The following TMEM30B variants were observed in gnomAD, a reference collection of about 807,000 sequenced individuals.
TMEM30B encodes the protein cell division cycle 50 P4-ATPase accessory subunit B, also known as cell cycle control protein 50B.
Under a neutral mutation model 27.9 loss-of-function variants are expected in TMEM30B, and 25 were observed. The ratio of observed to expected loss-of-function variants is 0.89; its 90% CI spans 0.65 to 1.25. TMEM30B has a LOEUF of 1.25. Ranked by LOEUF, TMEM30B falls within the 50% of genes most tolerant of loss-of-function variation. The probability of loss-of-function intolerance (pLI) is 0.00; values close to 1 mark genes in which losing one functional copy is unlikely to be tolerated. For missense variants in TMEM30B, 536 were observed against 506.5 expected, an observed-to-expected ratio of 1.06 and a Z score of -0.56; for synonymous variants, 248 against 238.5, an observed-to-expected ratio of 1.04 and a Z score of -0.37.
Position 61,280,373 on chromosome 14 carries a change from G to A in TMEM30B, c.775C>T (p.Leu259=), listed in dbSNP as rs764835659. The change falls in exon 1 of 1, where the codon CTG becomes TTG. Residue 259 remains leucine (L), a synonymous_variant. Transcript: ENST00000555868. The surrounding 1 kb of genome is among the most constrained non-coding windows in gnomAD (Gnocchi z 5.0). Reference sequence around the variant, plus strand: ...GCGTACAGTTTGCGGAACGTGGGCAGCGCCGCCGTGCGCATCCACACCACG... The same window carrying A: ...GCGTACAGTTTGCGGAACGTGGGCAACGCCGCCGTGCGCATCCACACCACG... ...DFVVWMRTAA[L]PTFRKLYARI... is the part of the protein sequence containing the mutation. 2 of 1,614,012 alleles carry A rather than the reference G, an allele frequency of 1.2e-6. No homozygotes were observed. The highest frequency in any genetic ancestry group is 1.7e-5 in the Admixed American group (1 of 60,036).
In TMEM30B at chr14:61,277,681, A is replaced by C. The variant is rs1329010201; in HGVS notation, c.*2411T>G. ...GTAAAATGCAGAAGACTACTACAAA[A>C]ATTTTTAAATTGACATTTATTAAAT... On this transcript the variant is annotated 3_prime_UTR_variant, in exon 1 of 1. Coordinates refer to ENST00000555868, the MANE Select transcript of TMEM30B (RefSeq NM_001017970.3). 6.6e-6 allele frequency: 1 copy of C among 152,000 alleles called. No homozygotes were observed. Among genetic ancestry groups the C allele is most frequent in the Admixed American group, 6.5e-5 (1 of 15,268 alleles). The allele number at this position is 152,000 out of a possible 1,614,324, so 9.4% of individuals were successfully genotyped here.
In TMEM30B at chr14:61,279,978, A is replaced by G. The variant is rs375847396; in HGVS notation, c.*114T>C. On this transcript the variant is annotated 3_prime_UTR_variant, in exon 1 of 1. Transcript: ENST00000555868. The stretch of plus-strand genomic sequence containing the variant: ...TCCCTTATCTGGTCCCCTCATTCAC[A>G]AAGGGAGGAAAAGCTAGGCGAGGTT... 1.1e-4 allele frequency: 101 copies of G among 918,478 alleles called. No homozygotes were observed. In the East Asian group the frequency reaches 2.1e-3, roughly 20 times the overall value. 56.9% of individuals were successfully genotyped at this position (918,478 alleles called of 1,614,324 possible). A position where few individuals can be genotyped will look rare whatever the true frequency, so the allele number is the denominator to read the frequency against.
rs73310576 is a variant in TMEM30B at position 61,278,011 on chromosome 14, T to C, written c.*2081A>G. 264 of 152,298 alleles carry C rather than the reference T, an allele frequency of 1.7e-3. No homozygotes were observed. The highest frequency in any genetic ancestry group is 6.1e-3 in the African/African-American group (255 of 41,552). 9.4% of individuals were successfully genotyped at this position (152,298 alleles called of 1,614,324 possible). ...AGACAAACATAACCTTTATTCTCTC[T>C]CAAAAACCCAGAGAACAGGGCCTGG... On this transcript the variant is annotated 3_prime_UTR_variant, in exon 1 of 1. Transcript: ENST00000555868.
Position 61,280,796 on chromosome 14 carries a change from A to T in TMEM30B, c.352T>A (p.Tyr118Asn). Residue 118 changes from tyrosine (Y) to asparagine (N), a missense_variant, in exon 1 of 1, where the codon TAC (tyrosine) becomes AAC (asparagine). Coordinates refer to ENST00000555868, the MANE Select transcript of TMEM30B (RefSeq NM_001017970.3). The surrounding 1 kb of genome is among the most constrained non-coding windows in gnomAD (Gnocchi z 5.0). ...VYLYYELTNF[Y>N]QNNRRYGVSR... ...ACGCCGTAGCGCCGGTTGTTCTGGTAGAAGTTGGTCAGCTCGTAGTAGAGG... is the reference window on the plus strand; with the variant it reads ...ACGCCGTAGCGCCGGTTGTTCTGGTTGAAGTTGGTCAGCTCGTAGTAGAGG... 6.4e-7 allele frequency: 1 copy of T among 1,559,846 alleles called. No individual in the cohort carries two copies. Among genetic ancestry groups the T allele is most frequent in the South Asian group, 1.2e-5 (1 of 83,482 alleles).
In TMEM30B at chr14:61,280,020, C is replaced by T. The variant is rs1163339077; in HGVS notation, c.*72G>A. ...GGCGAGGTTGGAATTGGGTGACGGG[C>T]GAGGAGGAGATGCCAAAAGCACCTT... is the stretch of plus-strand genomic sequence containing the variant. On this transcript the variant is annotated 3_prime_UTR_variant, in exon 1 of 1. Coordinates refer to ENST00000555868, the MANE Select transcript of TMEM30B (RefSeq NM_001017970.3). The surrounding 1 kb of genome is among the most constrained non-coding windows in gnomAD (Gnocchi z 5.0). 5 of 1,337,798 alleles carry T rather than the reference C, an allele frequency of 3.7e-6. No individual in the cohort carries two copies. The highest frequency in any genetic ancestry group is 3.0e-5 in the African/African-American group (2 of 67,724). 82.9% of individuals were successfully genotyped at this position (1,337,798 alleles called of 1,614,324 possible).
chr14:61,280,965 C>T lies in TMEM30B; in HGVS notation c.183G>A (p.Lys61=), dbSNP rs1340428594. 1 of 1,543,438 alleles carries T rather than the reference C, an allele frequency of 6.5e-7. No individual in the cohort carries two copies. Among genetic ancestry groups the T allele is most frequent in the Non-Finnish European group, 8.7e-7 (1 of 1,147,548 alleles). ...LGLYYSSNGI[K]ELEYDYTGDP... ...CGCCTGTATAGTCGTACTCCAGCTC[C>T]TTGATGCCGTTGGAGGAGTAGTAGA... Residue 61 remains lysine (K), a synonymous_variant, in exon 1 of 1, where the codon AAG becomes AAA. Coordinates refer to ENST00000555868, the MANE Select transcript of TMEM30B (RefSeq NM_001017970.3). This position sits in a 1 kb window ranked among gnomAD's most constrained non-coding sequence, Gnocchi z 5.0.
At position 61,278,713 on chromosome 14, in the gene TMEM30B, AAAAT is replaced by A. The variant is rs1482189757; in HGVS notation, c.*1375_*1378del. The A allele has an allele frequency of 6.6e-6, 1 of 152,194 alleles. No homozygotes were observed. The highest frequency in any genetic ancestry group is 1.5e-5 in the Non-Finnish European group (1 of 68,040). 9.4% of individuals were successfully genotyped at this position (152,194 alleles called of 1,614,324 possible). A position where few individuals can be genotyped will look rare whatever the true frequency, so the allele number is the denominator to read the frequency against. ...GTTATTTTGCTATACAAGGTTTTTA[AAAAT>A]AAACTATTGCTTCTTAGAATAACTT... On this transcript the variant is annotated 3_prime_UTR_variant, in exon 1 of 1. Coordinates refer to ENST00000555868, the MANE Select transcript of TMEM30B (RefSeq NM_001017970.3).
rs2045239329 is a variant in TMEM30B at position 61,279,825 on chromosome 14, G to T, written c.*267C>A. ...GATCCCTTCCACTCTCAGACTTGAA[G>T]AACCTCACATGGCAACTCAGTGTCG... On this transcript the variant is annotated 3_prime_UTR_variant, in exon 1 of 1. Transcript: ENST00000555868. The T allele has an allele frequency of 4.3e-6, 2 of 467,578 alleles. No individual in the cohort carries two copies. The highest frequency in any genetic ancestry group is 3.9e-5 in the African/African-American group (2 of 50,984). 29.0% of individuals were successfully genotyped at this position (467,578 alleles called of 1,614,324 possible).
In TMEM30B at chr14:61,280,374, C is replaced by T; in HGVS notation, c.774G>A (p.Ala258=). 6.2e-7 allele frequency: 1 copy of T among 1,613,972 alleles called. No homozygotes were observed. Among genetic ancestry groups the T allele is most frequent in the South Asian group, 1.1e-5 (1 of 91,086 alleles). The part of the protein sequence containing the change: ...QDFVVWMRTA[A]LPTFRKLYAR... Reference sequence around the variant, plus strand: ...CGTACAGTTTGCGGAACGTGGGCAGCGCCGCCGTGCGCATCCACACCACGA... The same window carrying T: ...CGTACAGTTTGCGGAACGTGGGCAGTGCCGCCGTGCGCATCCACACCACGA... The change falls in exon 1 of 1, where the codon GCG becomes GCA. Residue 258 remains alanine (A), a synonymous_variant. Transcript: ENST00000555868. This position sits in a 1 kb window ranked among gnomAD's most constrained non-coding sequence, Gnocchi z 5.0.
chr14:61,281,191 C>A lies in TMEM30B; in HGVS notation c.-44G>T. ...GACGCGCGGGCTGACCGAGTGGGGG[C>A]CCCGCCGCGGGGCGCCTCCCTCTCC... On this transcript the variant is annotated 5_prime_UTR_variant, in exon 1 of 1. Transcript: ENST00000555868. The A allele has an allele frequency of 8.2e-7, 1 of 1,220,086 alleles. No homozygotes were observed. The highest frequency in any genetic ancestry group is 1.0e-6 in the Non-Finnish European group (1 of 963,952). 75.6% of individuals were successfully genotyped at this position (1,220,086 alleles called of 1,614,324 possible). A position where few individuals can be genotyped will look rare whatever the true frequency, so the allele number is the denominator to read the frequency against.
At position 61,280,951 on chromosome 14, in the gene TMEM30B, T is replaced by C; in HGVS notation, c.197A>G (p.Asp66Gly). The C allele has an allele frequency of 6.5e-7, 1 of 1,543,364 alleles. No homozygotes were observed. Among genetic ancestry groups the C allele is most frequent in the Non-Finnish European group, 8.7e-7 (1 of 1,147,996 alleles). ...ACCGGTGCCCGGGTCGCCTGTATAGTCGTACTCCAGCTCCTTGATGCCGTT... is the reference window on the plus strand; with the variant it reads ...ACCGGTGCCCGGGTCGCCTGTATAGCCGTACTCCAGCTCCTTGATGCCGTT... ...SSNGIKELEY[D>G]YTGDPGTGNC... Residue 66 changes from aspartate to glycine, a missense_variant, in exon 1 of 1, where the codon GAC becomes GGC. Physicochemically the swap from Asp to Gly is moderately conservative, Grantham distance 94. Coordinates refer to ENST00000555868, the MANE Select transcript of TMEM30B (RefSeq NM_001017970.3). The surrounding 1 kb of genome is among the most constrained non-coding windows in gnomAD (Gnocchi z 5.0).
Position 61,280,792 on chromosome 14 carries a change from T to C in TMEM30B, c.356A>G (p.Gln119Arg). The C allele has an allele frequency of 6.4e-7, 1 of 1,556,908 alleles. No individual in the cohort carries two copies. Among genetic ancestry groups the C allele is most frequent in the Non-Finnish European group, 8.6e-7 (1 of 1,160,322 alleles). ...YLYYELTNFY[Q>R]NNRRYGVSRD... Reference sequence around the variant, plus strand: ...GGACACGCCGTAGCGCCGGTTGTTCTGGTAGAAGTTGGTCAGCTCGTAGTA... The same window carrying C: ...GGACACGCCGTAGCGCCGGTTGTTCCGGTAGAAGTTGGTCAGCTCGTAGTA... Residue 119 changes from glutamine to arginine, a missense_variant, in exon 1 of 1, where the codon CAG becomes CGG. By Grantham distance (43) the Gln-to-Arg change is conservative. Transcript: ENST00000555868. This position sits in a 1 kb window ranked among gnomAD's most constrained non-coding sequence, Gnocchi z 5.0.
chr14:61,279,934 C>T lies in TMEM30B; in HGVS notation c.*158G>A. 1 of 671,070 alleles carries T rather than the reference C, an allele frequency of 1.5e-6. No individual in the cohort carries two copies. The highest frequency in any genetic ancestry group is 2.5e-6 in the Non-Finnish European group (1 of 398,848). The allele number at this position is 671,070 out of a possible 1,614,324, so 41.6% of individuals were successfully genotyped here. On this transcript the variant is annotated 3_prime_UTR_variant, in exon 1 of 1. Coordinates refer to ENST00000555868, the MANE Select transcript of TMEM30B (RefSeq NM_001017970.3). ...GCGGCAAGACAGTCTAGCAGCCCCC[C>T]AAGAGCAAGGGGGGTAATTCCCTTA... is the stretch of plus-strand genomic sequence containing the variant.
rs200459998 is a variant in TMEM30B at position 61,280,339 on chromosome 14, C to A, written c.809G>T (p.Arg270Leu). ...PTFRKLYARI[R>L]QGNYSAGLPR... Reference sequence around the variant, plus strand: ...CAGCCCGGCCGAGTAGTTGCCCTGGCGGATGCGCGCGTACAGTTTGCGGAA... The same window carrying A: ...CAGCCCGGCCGAGTAGTTGCCCTGGAGGATGCGCGCGTACAGTTTGCGGAA... The change falls in exon 1 of 1, where the codon CGC becomes CTC. Residue 270 changes from arginine (R) to leucine (L), a missense_variant. Transcript: ENST00000555868. This position sits in a 1 kb window ranked among gnomAD's most constrained non-coding sequence, Gnocchi z 5.0. The A allele has an allele frequency of 6.2e-7, 1 of 1,613,872 alleles. No homozygotes were observed. The highest frequency in any genetic ancestry group is 2.2e-5 in the East Asian group (1 of 44,876).
Position 61,280,484 on chromosome 14 carries a change from C to T in TMEM30B, c.664G>A (p.Gly222Ser). ...VNGSLALAFQ[G>S]TAPPPNWRRP... Reference sequence around the variant, plus strand: ...CGCCAGTTGGGCGGGGGCGCCGTGCCCTGGAAGGCCAACGCCAGGCTGCCG... The same window carrying T: ...CGCCAGTTGGGCGGGGGCGCCGTGCTCTGGAAGGCCAACGCCAGGCTGCCG... The change falls in exon 1 of 1, where the codon GGC becomes AGC. Residue 222 changes from glycine (G) to serine (S), a missense_variant. By Grantham distance (56) the Gly-to-Ser change is moderately conservative. Coordinates refer to ENST00000555868, the MANE Select transcript of TMEM30B (RefSeq NM_001017970.3). This position sits in a 1 kb window ranked among gnomAD's most constrained non-coding sequence, Gnocchi z 5.0. The T allele has an allele frequency of 1.2e-6, 2 of 1,613,104 alleles. No individual in the cohort carries two copies. Among genetic ancestry groups the T allele is most frequent in the Middle Eastern group, 1.7e-4 (1 of 6,058 alleles).
chr14:61,280,653 G>C lies in TMEM30B; in HGVS notation c.495C>G (p.Ile165Met). The C allele has an allele frequency of 6.4e-7, 1 of 1,571,582 alleles. No homozygotes were observed. The highest frequency in any genetic ancestry group is 8.6e-7 in the Non-Finnish European group (1 of 1,159,524). ...AGLPIAPCGA[I>M]ANSLFNDSFS... ...AGGAGTCGTTGAAGAGGCTGTTGGC[G>C]ATGGCGCCGCAGGGCGCGATGGGCA... Residue 165 changes from isoleucine (I) to methionine (M), a missense_variant, in exon 1 of 1, where the codon ATC becomes ATG. By Grantham distance (10) the Ile-to-Met change is conservative (BLOSUM62 1). Transcript: ENST00000555868. The surrounding 1 kb of genome is among the most constrained non-coding windows in gnomAD (Gnocchi z 5.0).
At position 61,280,342 on chromosome 14, in the gene TMEM30B, A is replaced by C. The variant is rs767814034; in HGVS notation, c.806T>G (p.Ile269Ser). Reference protein sequence around the residue: ...LPTFRKLYARIRQGNYSAGLP... With the variant: ...LPTFRKLYARSRQGNYSAGLP... ...CCCGGCCGAGTAGTTGCCCTGGCGG[A>C]TGCGCGCGTACAGTTTGCGGAACGT... is the stretch of plus-strand genomic sequence containing the variant. Residue 269 changes from isoleucine to serine, a missense_variant, in exon 1 of 1, where the codon ATC becomes AGC. By Grantham distance (142) the Ile-to-Ser change is moderately radical. Coordinates refer to ENST00000555868, the MANE Select transcript of TMEM30B (RefSeq NM_001017970.3). This position sits in a 1 kb window ranked among gnomAD's most constrained non-coding sequence, Gnocchi z 5.0. 2.5e-6 allele frequency: 4 copies of C among 1,613,866 alleles called. No homozygotes were observed. Among genetic ancestry groups the C allele is most frequent in the Non-Finnish European group, 3.4e-6 (4 of 1,179,918 alleles).
Position 61,281,000 on chromosome 14 carries a change from C to T in TMEM30B, c.148G>A (p.Gly50Ser). ...FCAGLAFIGL[G>S]LGLYYSSNGI... ...TTGGAGGAGTAGTAGAGGCCCAGGC[C>T]CAGGCCGATGAAGGCCAGGCCCGCG... Residue 50 changes from glycine (G) to serine (S), a missense_variant, in exon 1 of 1, where the codon GGC becomes AGC. Physicochemically the swap from Gly to Ser is moderately conservative, Grantham distance 56. Transcript: ENST00000555868. The surrounding 1 kb of genome is among the most constrained non-coding windows in gnomAD (Gnocchi z 5.0). 3.2e-6 allele frequency: 5 copies of T among 1,540,450 alleles called. No homozygotes were observed. The highest frequency in any genetic ancestry group is 4.4e-6 in the Non-Finnish European group (5 of 1,145,686).
rs1566804063 is a variant in TMEM30B at position 61,279,158 on chromosome 14, A to G, written c.*934T>C. ...TGGCCTCACATTTTCGAGTTTCTAC[A>G]CAGTACCTGGCAAAGTTTGCCTGTT... On this transcript the variant is annotated 3_prime_UTR_variant, in exon 1 of 1. Transcript: ENST00000555868. 6.6e-6 allele frequency: 1 copy of G among 152,262 alleles called. No homozygotes were observed. The highest frequency in any genetic ancestry group is 1.5e-5 in the Non-Finnish European group (1 of 68,058). 9.4% of individuals were successfully genotyped at this position (152,262 alleles called of 1,614,324 possible).
Sources: allele counts gnomAD v4.1 joint callset, GRCh38; gene constraint gnomAD v4.1.1; non-coding constraint Gnocchi (gnomAD v3.1); transcripts MANE v1.5; gene names NCBI Gene and HGNC (gene_info 2026-07-23, HGNC 2026-07-21).